RGS9: variants seen among roughly 807,000 people sequenced by gnomAD.
RGS9 encodes regulator of G protein signaling 9.
In RGS9, 78 loss-of-function variants were observed where a neutral mutation model predicts 102.0. That is an observed-to-expected ratio of 0.76 (90% CI 0.64 to 0.92). The LOEUF (loss-of-function observed/expected upper bound fraction) is 0.92, where lower values mean the gene tolerates loss of function less well. RGS9 is among the 40% of genes least tolerant of loss of function. RGS9 has a pLI of 0.00. For synonymous variants in RGS9, 353 were observed against 318.6 expected (o/e 1.11, Z -1.15); for missense variants, 833 against 866.1 (o/e 0.96, Z 0.48).
intron 8 of RGS9, among the ~76,000 whole-genome samples, chr17:65,171,817 C>A (rs1911431659): frequency 1.3e-5 from 2 of 152,222 alleles, no homozygotes; most frequent in South Asian, 2.1e-4. Context: ...CAGATCTGAG[C>A]ACGATGCAAA....
intron 3 of RGS9, 48 bp from the exon 4 acceptor site, chr17:65,160,185 C>A: frequency 6.8e-7 from 1 of 1,462,010 alleles, no homozygotes; most frequent in Non-Finnish European, 9.6e-7. Context: ...CAATGAGCTC[C>A]TGTCTCAGCC....
rs558202226 is a variant in RGS9, at chr17:65,177,879, G to T, written c.654+76G>T. 23 of 1,141,292 alleles carry T rather than the reference G, an allele frequency of 2.0e-5. No individual in the cohort carries two copies. The Admixed American group carries it at 3.9e-4, about 19-fold the overall frequency. 70.7% of individuals were successfully genotyped at this position (1,141,292 alleles called of 1,614,324 possible). A position where few individuals can be genotyped will look rare whatever the true frequency, so the allele number is the denominator to read the frequency against. ...TGGGAAGGTGTCCACATGTCTATTC[G>T]TGTCTGTTAGGGCAACGATATCTCC... On this transcript the variant is annotated intron_variant, in intron 9 of 18. Transcript: ENST00000262406.
chr17:65,210,373 G>C (rs1171204192), intron 16 of RGS9, 115 bp from the exon 17 acceptor site: 1 of 1,311,706 alleles, frequency 7.6e-7, no homozygotes, highest in Non-Finnish European at 1.1e-6. Flanking sequence ...GAAAAAGGAG[G>C]GAACAAAATA....
intron 2 of RGS9, among the ~76,000 whole-genome samples, chr17:65,156,323 C>G (rs1318847266): frequency 6.6e-6 from 1 of 152,192 alleles, no homozygotes; most frequent in Non-Finnish European, 1.5e-5. Flanking sequence ...GCGCCCAGCC[C>G]AGAGTCCATA....
In RGS9 at chr17:65,137,394, A is replaced by AG. The variant is rs1298963250; in HGVS notation, c.-141dup. On this transcript the variant is annotated 5_prime_UTR_variant, in exon 1 of 19. Transcript: ENST00000262406. The stretch of plus-strand genomic sequence containing the variant: ...AAGTCAGCGGCGCCTAGTGAGAGTC[A>AG]GGGGGGCCCGGCCCGCGCCCTCCCC... The AG allele has an allele frequency of 1.9e-5, 14 of 756,142 alleles. 1 individual carries two copies. Among genetic ancestry groups the AG allele is most frequent in the Middle Eastern group, 3.6e-4 (1 of 2,772 alleles). The allele number at this position is 756,142 out of a possible 1,614,324, so 46.8% of individuals were successfully genotyped here. A position where few individuals can be genotyped will look rare whatever the true frequency, so the allele number is the denominator to read the frequency against.
In RGS9 at chr17:65,196,663, A is replaced by C. The variant is rs146519018; in HGVS notation, c.861-463A>C. 6.4e-3 allele frequency among the ~76,000 whole-genome samples: 956 copies of C among 150,002 alleles called. 2 individuals carry two copies. The highest frequency in any genetic ancestry group is 0.01 in the Non-Finnish European group (666 of 66,224). Reference sequence around the variant, plus strand: ...GAGCCACCGGCTCCCACCAGAAGCCAGGGTGTGCCATGGTAGGGGGGCAGC... The same window carrying C: ...GAGCCACCGGCTCCCACCAGAAGCCCGGGTGTGCCATGGTAGGGGGGCAGC... On this transcript the variant is annotated intron_variant, in intron 12 of 18. Transcript: ENST00000262406.
chr17:65,157,941 A>G (rs546403367), intron 2 of RGS9, among the ~76,000 whole-genome samples: 1 of 150,492 alleles, frequency 6.6e-6, no homozygotes, highest in East Asian at 1.9e-4. Flanking sequence ...GTGTGTTTAG[A>G]CTTAGCCTAT....
In RGS9 at chr17:65,202,078, C is replaced by T; in HGVS notation, c.1062C>T (p.Tyr354=). ...TCAAGGAGAAAGCAGAGGAGATTTACAAGTGAGCATCAGCCAGGGTGCTGG... is the reference window on the plus strand; with the variant it reads ...TCAAGGAGAAAGCAGAGGAGATTTATAAGTGAGCATCAGCCAGGGTGCTGG... ...SKVKEKAEEI[Y]KLFLAPGARR... is the part of the protein sequence containing the mutation. The change falls in exon 14 of 19, where the codon TAC becomes TAT. Residue 354 remains tyrosine, a splice_region_variant and synonymous_variant. Transcript: ENST00000262406. 1.2e-6 allele frequency: 2 copies of T among 1,609,792 alleles called. No individual in the cohort carries two copies. Among genetic ancestry groups the T allele is most frequent in the Non-Finnish European group, 1.7e-6 (2 of 1,176,274 alleles).
chr17:65,177,661 C>A lies in RGS9; in HGVS notation c.583-71C>A, dbSNP rs1911697276. Reference sequence around the variant, plus strand: ...TCAATCTCACAATTGGCAGATTAACCAAGACCCACAGTTAACCAGAAACTG... The same window carrying A: ...TCAATCTCACAATTGGCAGATTAACAAAGACCCACAGTTAACCAGAAACTG... On this transcript the variant is annotated intron_variant, in intron 8 of 18. Transcript: ENST00000262406. The A allele has an allele frequency of 7.7e-6, 11 of 1,436,540 alleles. No homozygotes were observed. In the Middle Eastern group the frequency reaches 5.2e-4, roughly 68 times the overall value. The allele number at this position is 1,436,540 out of a possible 1,614,324, so 89.0% of individuals were successfully genotyped here. A position where few individuals can be genotyped will look rare whatever the true frequency, so the allele number is the denominator to read the frequency against.
chr17:65,177,895 C>T lies in RGS9; in HGVS notation c.654+92C>T, dbSNP rs776730281. ...TGTCTATTCGTGTCTGTTAGGGCAA[C>T]GATATCTCCTCTTTGAGACTATCAA... On this transcript the variant is annotated intron_variant, in intron 9 of 18. Transcript: ENST00000262406. The T allele has an allele frequency of 1.7e-5, 16 of 966,098 alleles. No homozygotes were observed. The South Asian group carries it at 1.8e-4, about 11-fold the overall frequency. 59.8% of individuals were successfully genotyped at this position (966,098 alleles called of 1,614,324 possible). A position where few individuals can be genotyped will look rare whatever the true frequency, so the allele number is the denominator to read the frequency against.
intron 1 of RGS9, among the ~76,000 whole-genome samples, chr17:65,149,304 A>G (rs1386156409): frequency 6.6e-6 from 1 of 152,200 alleles, no homozygotes; most frequent in Non-Finnish European, 1.5e-5. Flanking sequence ...TTTTACAGAT[A>G]AATGAGTCCT....
intron 3 of RGS9, 106 bp from the exon 4 acceptor site, chr17:65,160,127 G>A (rs1910919756): frequency 1.2e-6 from 1 of 864,638 alleles, no homozygotes; most frequent in East Asian, 2.4e-5. Context: ...ATGCAGTGCT[G>A]TTAGGAAGGG....
chr17:65,208,972 T>A (rs1017352926), intron 16 of RGS9, among the ~76,000 whole-genome samples: 1 of 151,950 alleles, frequency 6.6e-6, no homozygotes, highest in African/African-American at 2.4e-5. Context: ...AGGAAGGGAG[T>A]TCAGTGCCCC....
intron 17 of RGS9, among the ~76,000 whole-genome samples, chr17:65,219,193 A>G (rs1913614294): frequency 6.6e-6 from 1 of 152,312 alleles, no homozygotes; most frequent in South Asian, 2.1e-4. Context: ...TCTCAACTCC[A>G]GGTATCAGCT....
At chr17:65,151,285 C>T (rs2143969403) in intron 1 of RGS9, among the ~76,000 whole-genome samples, 1 of 150,312 alleles carries the variant, frequency 6.7e-6, no homozygotes, top group South Asian at 2.1e-4. Context: ...GTGGCGGTTG[C>T]AGTGAGCCAA....
intron 1 of RGS9, among the ~76,000 whole-genome samples, chr17:65,151,710 T>C (rs2143970486): frequency 6.6e-6 from 1 of 152,398 alleles, no homozygotes; most frequent in Middle Eastern, 3.4e-3. Context: ...GTTTGGTAAC[T>C]GGTAACTCTG....
intron 8 of RGS9, among the ~76,000 whole-genome samples, chr17:65,176,884 GTCCATCCA>G (rs113366621): frequency 8.1e-5 from 12 of 147,402 alleles, no homozygotes; most frequent in African/African-American, 2.3e-4. Flanking sequence ...CCATTCATCT[GTCCATCCA>G]TCCATCCATC....
At chr17:65,187,413 A>G (rs1261604835) in intron 9 of RGS9, among the ~76,000 whole-genome samples, 1 of 152,234 alleles carries the variant, frequency 6.6e-6, no homozygotes, top group Non-Finnish European at 1.5e-5. Flanking sequence ...CCTTTCTGAG[A>G]TAACTCTTCC....
In RGS9 at chr17:65,205,183, A is replaced by T. The variant is rs28671318; in HGVS notation, c.1203+882A>T. 3.5e-3 allele frequency among the ~76,000 whole-genome samples: 532 copies of T among 152,350 alleles called. 4 individuals are homozygous for T. Among genetic ancestry groups the T allele is most frequent in the African/African-American group, 0.012 (504 of 41,584 alleles). On this transcript the variant is annotated intron_variant, in intron 15 of 18. Coordinates refer to ENST00000262406, the MANE Select transcript of RGS9 (RefSeq NM_003835.4). Reference sequence around the variant, plus strand: ...TAAGAAACTAGAATCGGAGGCTCAGAGTTAGCCTTAAAGAACTTGTCTAGT... The same window carrying T: ...TAAGAAACTAGAATCGGAGGCTCAGTGTTAGCCTTAAAGAACTTGTCTAGT...
Sources: gnomAD v4.1 joint callset for allele counts (sites outside exome capture counted in the v4.1 genomes callset) on GRCh38, gnomAD v4.1.1 for gene constraint, MANE v1.5 for transcripts, NCBI Gene and HGNC (gene_info 2026-07-23, HGNC 2026-07-21) for gene names.